The following PRKG1 variants were observed in gnomAD, a reference collection of about 807,000 sequenced individuals.
PRKG1 encodes protein kinase cGMP-dependent 1.
PRKG1 carries 35 observed loss-of-function variants against 88.1 expected under a neutral mutation model. That is an observed-to-expected ratio of 0.40 (90% CI 0.30 to 0.53). PRKG1 has a LOEUF of 0.53. Ranked by LOEUF, PRKG1 falls within the 20% of genes least tolerant of loss-of-function variation. PRKG1 has a pLI of 0.59. For missense variants in PRKG1, 540 were observed against 839.8 expected, an observed-to-expected ratio of 0.64 and a Z score of 4.41; for synonymous variants, 303 against 292.5, an observed-to-expected ratio of 1.04 and a Z score of -0.37.
chr10:52,146,905 C>T (rs988113508), intron 8 of PRKG1, among the ~76,000 whole-genome samples: 1 of 152,200 alleles, frequency 6.6e-6, no homozygotes, highest in Admixed American at 6.5e-5. Flanking sequence ...ACTGCACCCT[C>T]GCCAGCTTAA....
chr10:51,163,733 A>G (rs1846437582), intron 2 of PRKG1, among the ~76,000 whole-genome samples: 2 of 152,230 alleles, frequency 1.3e-5, no homozygotes, highest in South Asian at 4.1e-4. Flanking sequence ...ACGGCGCACC[A>G]GGAGATTATA....
At chr10:51,135,717 T>C (rs1489222356) in intron 1 of PRKG1, among the ~76,000 whole-genome samples, 1 of 152,146 alleles carries the variant, frequency 6.6e-6, no homozygotes, top group Admixed American at 6.5e-5. Flanking sequence ...TAGATGTTAT[T>C]TGAATTTTTC....
chr10:51,867,683 T>C (rs1456215771), intron 4 of PRKG1, among the ~76,000 whole-genome samples: 3 of 151,992 alleles, frequency 2.0e-5, no homozygotes, highest in East Asian at 3.9e-4. Flanking sequence ...ATTAGCAAAA[T>C]TGGGGATGGA....
At position 50,991,146 on chromosome 10, in the gene PRKG1, C is replaced by T. The variant is rs1436189668; in HGVS notation, c.-233C>T. The T allele has an allele frequency of 3.8e-6, 2 of 531,876 alleles. No homozygotes were observed. The highest frequency in any genetic ancestry group is 4.1e-5 in the African/African-American group (2 of 48,352). 32.9% of individuals were successfully genotyped at this position (531,876 alleles called of 1,614,324 possible). ...AGCACTCTGCCTCTCCTCTCCATCGCTTTTAGACTTCTCATCCTCCCCTCG... is the reference window on the plus strand; with the variant it reads ...AGCACTCTGCCTCTCCTCTCCATCGTTTTTAGACTTCTCATCCTCCCCTCG... On this transcript the variant is annotated 5_prime_UTR_variant, in exon 1 of 18. Transcript: ENST00000401604. The surrounding 1 kb of genome is among the most constrained non-coding windows in gnomAD (Gnocchi z 4.5).
intron 3 of PRKG1, among the ~76,000 whole-genome samples, chr10:51,792,786 G>A (rs1174658815): frequency 2.0e-5 from 3 of 151,986 alleles, no homozygotes; most frequent in Non-Finnish European, 4.4e-5. Flanking sequence ...ACACAGCTTT[G>A]ACTTTTAAAG....
intron 9 of PRKG1, among the ~76,000 whole-genome samples, chr10:52,242,630 C>G (rs375071755): frequency 6.6e-6 from 1 of 152,086 alleles, no homozygotes; most frequent in Non-Finnish European, 1.5e-5. Flanking sequence ...GGCACGGTGC[C>G]TCACACCTGT....
At chr10:51,347,204 C>T (rs1351413536) in intron 2 of PRKG1, among the ~76,000 whole-genome samples, 1 of 151,814 alleles carries the variant, frequency 6.6e-6, no homozygotes, top group Non-Finnish European at 1.5e-5. Flanking sequence ...AATGCCAACA[C>T]ACTGATTACC....
intron 7 of PRKG1, among the ~76,000 whole-genome samples, chr10:52,116,187 G>A (rs968996703): frequency 1.6e-4 from 24 of 152,120 alleles, no homozygotes; most frequent in Non-Finnish European, 2.6e-4. Context: ...CAGTTAGAAT[G>A]CAGTTTGTTT....
chr10:51,931,111 G>A (rs1048613794), intron 5 of PRKG1, among the ~76,000 whole-genome samples: 4 of 152,064 alleles, frequency 2.6e-5, no homozygotes, highest in East Asian at 1.9e-4. Flanking sequence ...TGTAAGTTTC[G>A]TCTCTGCGCA....
Position 51,457,039 on chromosome 10 carries a change from A to T in PRKG1, c.479-10684A>T, listed in dbSNP as rs114317520. ...GGAAAACAGTATGGGGATTCCTTAA[A>T]GAACTGTAAGTAGATCTACCATTCA... On this transcript the variant is annotated intron_variant, in intron 2 of 17. Transcript: ENST00000373980. 3.4e-3 allele frequency among the ~76,000 whole-genome samples: 515 copies of T among 152,334 alleles called. 4 individuals are homozygous for T. Among genetic ancestry groups the T allele is most frequent in the African/African-American group, 0.012 (491 of 41,570 alleles).
intron 2 of PRKG1, among the ~76,000 whole-genome samples, chr10:51,370,875 G>T (rs78909985): frequency 6.6e-6 from 1 of 151,940 alleles, no homozygotes; most frequent in Non-Finnish European, 1.5e-5. Flanking sequence ...ATGGCCATGC[G>T]TAGGGACTGT....
At chr10:51,234,357 T>G (rs959933515) in intron 2 of PRKG1, among the ~76,000 whole-genome samples, 1 of 152,204 alleles carries the variant, frequency 6.6e-6, no homozygotes, top group African/African-American at 2.4e-5. Flanking sequence ...CAGATTGCAC[T>G]GAAAGATAGA....
At chr10:52,112,805 C>G (rs1847595335) in intron 7 of PRKG1, among the ~76,000 whole-genome samples, 1 of 152,076 alleles carries the variant, frequency 6.6e-6, no homozygotes. Flanking sequence ...TTATCAAAGG[C>G]TCACCTGATA....
At chr10:51,213,351 G>C (rs191210535) in intron 2 of PRKG1, among the ~76,000 whole-genome samples, 1 of 152,256 alleles carries the variant, frequency 6.6e-6, no homozygotes, top group Non-Finnish European at 1.5e-5. Context: ...AGCATTAGGA[G>C]ATATACCTAA....
chr10:51,935,896 C>T (rs1007956657), intron 5 of PRKG1, among the ~76,000 whole-genome samples: 3 of 152,094 alleles, frequency 2.0e-5, no homozygotes, highest in African/African-American at 4.8e-5. Flanking sequence ...TGCAAATGAT[C>T]TAAAATGTAT....
At chr10:51,330,338 A>G (rs2132527365) in intron 2 of PRKG1, among the ~76,000 whole-genome samples, 1 of 151,676 alleles carries the variant, frequency 6.6e-6, no homozygotes, top group South Asian at 2.1e-4. Context: ...TTTAGTAGAG[A>G]TGGGGTTTCA....
intron 3 of PRKG1, among the ~76,000 whole-genome samples, chr10:51,525,071 T>C (rs1465073534): frequency 1.3e-5 from 2 of 151,610 alleles, no homozygotes; most frequent in Non-Finnish European, 2.9e-5. Flanking sequence ...CTATAATCAG[T>C]ATAAAGCACA....
intron 2 of PRKG1, among the ~76,000 whole-genome samples, chr10:51,324,085 T>G (rs1198264344): frequency 1.3e-5 from 2 of 152,236 alleles, no homozygotes; most frequent in Non-Finnish European, 1.5e-5. Flanking sequence ...CAAACATTTA[T>G]TTTTTCTTTG....
chr10:51,666,426 TGAG>T (rs1840424724), intron 3 of PRKG1, among the ~76,000 whole-genome samples: 1 of 152,228 alleles, frequency 6.6e-6, no homozygotes, highest in African/African-American at 2.4e-5. Flanking sequence ...TCTAGTGGTT[TGAG>T]AACTAAAAGT....
Sources: gnomAD v4.1 joint callset for allele counts (sites outside exome capture counted in the v4.1 genomes callset) on GRCh38, gnomAD v4.1.1 for gene constraint, Gnocchi (gnomAD v3.1) non-coding constraint, MANE v1.5 for transcripts, NCBI Gene and HGNC (gene_info 2026-07-23, HGNC 2026-07-21) for gene names.